The following NARS1 variants were observed in gnomAD, a reference collection of about 807,000 sequenced individuals.
The protein encoded by NARS1 is asparagine--tRNA ligase, cytoplasmic.
In NARS1, 65 loss-of-function variants were observed where a neutral mutation model predicts 79.2. The observed-to-expected ratio is 0.82, with a 90% CI of 0.67 to 1.01. The LOEUF (loss-of-function observed/expected upper bound fraction) is 1.01, where lower values mean the gene tolerates loss of function less well. Among genes scored for constraint, NARS1 ranks in the 50% least tolerant of loss-of-function variants. NARS1 has a pLI of 0.00. For missense variants in NARS1, 649 were observed against 673.8 expected, an observed-to-expected ratio of 0.96 and a Z score of 0.41; for synonymous variants, 229 against 238.8, an observed-to-expected ratio of 0.96 and a Z score of 0.38.
chr18:57,618,120 TAA>T (rs199797842), intron 2 of NARS1, among the ~76,000 whole-genome samples: 18 of 121,054 alleles, frequency 1.5e-4, no homozygotes, highest in African/African-American at 2.2e-4. Context: ...CTACTAGAAA[TAA>T]AAAAAAAAAA....
At position 57,605,977 on chromosome 18, in the gene NARS1, A is replaced by C; in HGVS notation, c.1138-7T>G. The C allele has an allele frequency of 6.4e-7, 1 of 1,558,442 alleles. No individual in the cohort carries two copies. Among genetic ancestry groups the C allele is most frequent in the Non-Finnish European group, 8.8e-7 (1 of 1,133,326 alleles). On this transcript the variant is annotated splice_polypyrimidine_tract_variant and splice_region_variant and intron_variant, in intron 10 of 13. Coordinates refer to ENST00000256854, the MANE Select transcript of NARS1 (RefSeq NM_004539.4). The stretch of plus-strand genomic sequence containing the variant: ...GTTTGGGGGGCTGAAAGTTCTACAG[A>C]AGAAAGGAAAAATATAATGTGTATA...
At position 57,607,330 on chromosome 18, in the gene NARS1, T is replaced by C; in HGVS notation, c.805A>G (p.Thr269Ala). ...HFFDRGYYEV[T>A]PPTLVQTQVE... ...TGTGTTTGCACTAATGTTGGAGGAG[T>C]AACCTGTTCAAATGCAAAGAAGGAA... The change falls in exon 9 of 14, where the codon ACT (threonine) becomes GCT (alanine). Residue 269 changes from threonine to alanine, a missense_variant. Thr to Ala is a moderately conservative substitution (Grantham distance 58). Transcript: ENST00000256854. 6.2e-7 allele frequency: 1 copy of C among 1,613,746 alleles called. No homozygotes were observed.
In NARS1 at chr18:57,602,575, A is replaced by G. The variant is rs2051517988; in HGVS notation, c.1384-89T>C. On this transcript the variant is annotated intron_variant, in intron 12 of 13. Coordinates refer to ENST00000256854, the MANE Select transcript of NARS1 (RefSeq NM_004539.4). ...AGAGTTTAAATGAAAATTACAATTA[A>G]GCTCCAAGGGCTAAAGGAGCCACTA... 4 of 1,461,068 alleles carry G rather than the reference A, an allele frequency of 2.7e-6. No homozygotes were observed. The South Asian group carries it at 5.1e-5, about 19-fold the overall frequency. The allele number at this position is 1,461,068 out of a possible 1,614,324, so 90.5% of individuals were successfully genotyped here.
chr18:57,619,873 A>G (rs1159155229), intron 2 of NARS1, among the ~76,000 whole-genome samples: 2 of 151,862 alleles, frequency 1.3e-5, no homozygotes, highest in Non-Finnish European at 2.9e-5. Context: ...TTTTTTGTAG[A>G]GCCAGGATTT....
chr18:57,603,736 GT>G (rs575822933), intron 11 of NARS1, among the ~76,000 whole-genome samples: 49 of 152,348 alleles, frequency 3.2e-4, no homozygotes, highest in African/African-American at 1.1e-3. Context: ...TAGCACACCT[GT>G]TTTCAAGCTC....
chr18:57,601,908 A>G (rs1308016213), intron 13 of NARS1, 125 bp from the exon 14 acceptor site: 12 of 952,994 alleles, frequency 1.3e-5, no homozygotes, highest in African/African-American at 1.6e-5. Context: ...AACTATGGCC[A>G]GATTCAGTGG....
chr18:57,601,861 A>T (rs2051510040), intron 13 of NARS1, 78 bp from the exon 14 acceptor site: 10 of 1,492,766 alleles, frequency 6.7e-6, no homozygotes, highest in Non-Finnish European at 9.3e-6. Flanking sequence ...AAAATTTTCC[A>T]CCATGAAAGG....
intron 11 of NARS1, among the ~76,000 whole-genome samples, chr18:57,605,610 CAAAAAAAAA>C (rs11285116): frequency 3.6e-5 from 4 of 109,656 alleles, no homozygotes; most frequent in African/African-American, 1.4e-4. Flanking sequence ...GACTCCGTCT[CAAAAAAAAA>C]AAAAAAAAAG....
intron 2 of NARS1, among the ~76,000 whole-genome samples, chr18:57,620,365 T>C (rs1325048584): frequency 6.7e-6 from 1 of 150,366 alleles, no homozygotes; most frequent in African/African-American, 2.4e-5. Context: ...AGAGACCTTT[T>C]TTCAAAATGT....
rs1160639472 is a variant in NARS1, at chr18:57,605,948, G to C, written c.1160C>G (p.Pro387Arg). The C allele has an allele frequency of 6.2e-7, 1 of 1,613,182 alleles. No individual in the cohort carries two copies. Among genetic ancestry groups the C allele is most frequent in the Admixed American group, 1.7e-5 (1 of 59,958 alleles). Reference protein sequence around the residue: ...LNPNFQPPKRPFKRMNYSDAI... With the variant: ...LNPNFQPPKRRFKRMNYSDAI... The stretch of plus-strand genomic sequence containing the variant: ...ATCTGAATAGTTCATCCGTTTGAAA[G>C]GCCGTTTGGGGGGCTGAAAGTTCTA... The change falls in exon 11 of 14, where the codon CCT (proline) becomes CGT (arginine). Residue 387 changes from proline to arginine, a missense_variant. Physicochemically the swap from Pro to Arg is moderately radical, Grantham distance 103. Coordinates refer to ENST00000256854, the MANE Select transcript of NARS1 (RefSeq NM_004539.4).
chr18:57,611,662 A>C lies in NARS1; in HGVS notation c.467T>G (p.Leu156Arg), dbSNP rs2051605968. 1 of 1,597,910 alleles carries C rather than the reference A, an allele frequency of 6.3e-7. No homozygotes were observed. The highest frequency in any genetic ancestry group is 1.8e-5 in the Admixed American group (1 of 56,498). Residue 156 changes from leucine to arginine, a missense_variant, in exon 6 of 14, where the codon CTT becomes CGT. Leu to Arg is a moderately radical substitution (Grantham distance 102). Transcript: ENST00000256854. ...FLVLRDGTGY[L>R]QCVLADELCQ... ...CAACTCATCCGCCAAGACACACTGA[A>C]GATAACCTGTACCATCTCGCAACAC...
chr18:57,613,607 C>A lies in NARS1; in HGVS notation c.416G>T (p.Arg139Met). The change falls in exon 5 of 14, where the codon AGG becomes ATG. Residue 139 changes from arginine (R) to methionine (M), a missense_variant. Physicochemically the swap from Arg to Met is moderately conservative, Grantham distance 91 (BLOSUM62 -1). Transcript: ENST00000256854. ...KVFGWVHRLR[R>M]QGKNLMFLVL... ...GGAAAAGCTTTGCCATTTACCTTGC[C>A]TGCGCAGCCTGTGGACCCAGCCAAA... is the stretch of plus-strand genomic sequence containing the variant. 1 of 1,613,560 alleles carries A rather than the reference C, an allele frequency of 6.2e-7. No homozygotes were observed. Among genetic ancestry groups the A allele is most frequent in the Non-Finnish European group, 8.5e-7 (1 of 1,179,596 alleles).
intron 10 of NARS1, 26 bp downstream of exon 10, chr18:57,606,590 T>C (rs1444227887): frequency 1.3e-6 from 2 of 1,586,478 alleles, no homozygotes; most frequent in Non-Finnish European, 8.6e-7. Flanking sequence ...ACTGTGACTT[T>C]TTCTTTCCAT....
chr18:57,613,735 C>T (rs2051625116), intron 4 of NARS1, 55 bp from the exon 5 acceptor site: 2 of 1,414,386 alleles, frequency 1.4e-6, no homozygotes, highest in Admixed American at 1.8e-5. Flanking sequence ...TACACACCAA[C>T]TTTTTCACTA....
rs575942831 is a variant in NARS1 at position 57,621,389 on chromosome 18, G to A, written c.10+319C>T. On this transcript the variant is annotated intron_variant, in intron 1 of 13. Coordinates refer to ENST00000256854, the MANE Select transcript of NARS1 (RefSeq NM_004539.4). ...CACTTTGAAGAACTGCAGGAGTAGGGGCTACCCTGTGTCTGAACCCGTCCC... is the reference window on the plus strand; with the variant it reads ...CACTTTGAAGAACTGCAGGAGTAGGAGCTACCCTGTGTCTGAACCCGTCCC... Among the ~76,000 whole-genome samples, 13 of 152,246 alleles carry A rather than the reference G, an allele frequency of 8.5e-5. No homozygotes were observed. In the East Asian group the frequency reaches 2.3e-3, roughly 27 times the overall value.
chr18:57,602,600 A>G, intron 12 of NARS1, 114 bp from the exon 13 acceptor site: 1 of 1,282,350 alleles, frequency 7.8e-7, no homozygotes, highest in Non-Finnish European at 1.1e-6. Context: ...AGGAGCCACT[A>G]TGATCATGTA....
chr18:57,621,237 T>C (rs1050988376), intron 1 of NARS1, among the ~76,000 whole-genome samples: 8 of 149,810 alleles, frequency 5.3e-5, no homozygotes, highest in Non-Finnish European at 1.2e-4. Context: ...ACAGTTAACA[T>C]CCATCCAGGT....
rs1027298967 is a variant in NARS1, at chr18:57,605,584, G to A, written c.1251+273C>T. On this transcript the variant is annotated intron_variant, in intron 11 of 13. Transcript: ENST00000256854. ...ATCTGAGATCATGCCACTGCACTCC[G>A]TAGGCGACAGAGCGAGACTCCGTCT... Among the ~76,000 whole-genome samples the A allele has an allele frequency of 6.3e-5, 9 of 141,966 alleles. No homozygotes were observed. In the East Asian group the frequency reaches 8.2e-4, roughly 13 times the overall value. 93.1% of individuals were successfully genotyped at this position (141,966 alleles called of 152,430 possible).
chr18:57,607,671 T>G lies in NARS1; in HGVS notation c.580-6A>C. The stretch of plus-strand genomic sequence containing the variant: ...AGCTCATGGCCACCTGGAGCCTGCA[T>G]TTTTTAAAAGTGGGGTCCAGAGAAA... On this transcript the variant is annotated splice_polypyrimidine_tract_variant and splice_region_variant and intron_variant, in intron 7 of 13. Transcript: ENST00000256854. The G allele has an allele frequency of 6.2e-7, 1 of 1,601,524 alleles. No homozygotes were observed. The highest frequency in any genetic ancestry group is 1.3e-5 in the African/African-American group (1 of 74,498).
Sources: gnomAD v4.1 joint callset for allele counts (sites outside exome capture counted in the v4.1 genomes callset) on GRCh38, gnomAD v4.1.1 for gene constraint, MANE v1.5 for transcripts, NCBI Gene and HGNC (gene_info 2026-07-23, HGNC 2026-07-21) for gene names.